F8: variants seen among roughly 807,000 people sequenced by gnomAD.
F8 encodes antihemophilic factor.
A neutral mutation model predicts 140.6 loss-of-function variants in F8; 12 were observed. The observed-to-expected ratio is 0.09, with a 90% confidence interval of 0.05 to 0.14. F8 has a LOEUF of 0.14. F8 is among the 10% of genes least tolerant of loss of function. The pLI is 1.00. For missense variants in F8, 1,354 were observed against 1,720.7 expected (o/e 0.79, Z 3.77); for synonymous variants, 585 against 614.6 (o/e 0.95, Z 0.71).
rs2073196663 is a variant in F8 at position 154,931,325 on chromosome X, A to G, written c.2465T>C (p.Leu822Pro). 1 of 1,210,180 alleles carries G rather than the reference A, an allele frequency of 8.3e-7. No homozygotes were observed. Reference sequence around the variant, plus strand: ...GGCTTCTTGGAGATCAGATAAGGATAGCCCATGTGGAGTAGGACTCTGTCG... The same window carrying G: ...GGCTTCTTGGAGATCAGATAAGGATGGCCCATGTGGAGTAGGACTCTGTCG... ...LLRQSPTPHG[L>P]SLSDLQEAKY... The change falls in exon 14 of 26, where the codon CTA becomes CCA. Residue 822 changes from leucine (L) to proline (P), a missense_variant. Transcript: ENST00000360256.
rs782567842 is a variant in F8, at chrX:155,016,331, A to T, written c.143+6079T>A. ...TATATTGCAACTGGAACTCTCATGC[A>T]TTGCTGGTGGGAGTATAGAATGGTA... On this transcript the variant is annotated intron_variant, in intron 1 of 25. Transcript: ENST00000360256. Among the ~76,000 whole-genome samples the T allele has an allele frequency of 1.1e-3, 127 of 112,061 alleles. 3 individuals carry two copies. In the South Asian group the frequency reaches 0.046, roughly 40 times the overall value.
chrX:154,918,900 A>G (rs1557277332), intron 14 of F8: 1 of 108,819 alleles, frequency 9.2e-6, no homozygotes, highest in Non-Finnish European at 1.8e-5. Flanking sequence ...GTGATATTCC[A>G]TTCATGTTCA....
intron 22 of F8, among the ~76,000 whole-genome samples, chrX:154,895,812 T>C (rs1354068047): frequency 1.8e-5 from 2 of 111,639 alleles, no homozygotes; most frequent in Non-Finnish European, 3.8e-5. Context: ...ACCTAGGATA[T>C]CCATAAGCAA....
chrX:154,849,092 C>G (rs781843011), intron 25 of F8, among the ~76,000 whole-genome samples: 5 of 111,029 alleles, frequency 4.5e-5, no homozygotes, highest in African/African-American at 1.6e-4. Context: ...TCCTGCCTCA[C>G]CCTCCTGAGT....
intron 22 of F8, among the ~76,000 whole-genome samples, chrX:154,868,029 A>C: frequency 8.9e-6 from 1 of 112,425 alleles, no homozygotes; most frequent in Non-Finnish European, 1.9e-5. Context: ...TAGATACAGA[A>C]GGAACTTAAC....
intron 14 of F8, chrX:154,909,136 T>C (rs1331730545): frequency 7.6e-6 from 2 of 261,694 alleles, no homozygotes; most frequent in Non-Finnish European, 1.5e-5. Context: ...AAGAGCTTCA[T>C]TTAAAGCTTC....
chrX:154,922,387 A>T (rs1471566763), intron 14 of F8, among the ~76,000 whole-genome samples: 1 of 112,510 alleles, frequency 8.9e-6, no homozygotes, highest in Non-Finnish European at 1.9e-5. Context: ...TTCATTCAAC[A>T]TACATTTATT....
At chrX:154,919,463 T>C (rs145840121) in intron 14 of F8, 29,714 of 237,068 alleles carry the variant, frequency 0.13, 1,684 homozygotes, top group South Asian at 0.38. Context: ...TTAGAGCAAG[T>C]GAAGTAGCAG....
At chrX:154,859,395 C>A (rs890519447) in intron 25 of F8, among the ~76,000 whole-genome samples, 1 of 107,570 alleles carries the variant, frequency 9.3e-6, no homozygotes, top group Admixed American at 1.0e-4. Context: ...CTCTGCCTCC[C>A]GGGTTCATGC....
chrX:154,909,158 CA>C, intron 14 of F8: 1 of 226,642 alleles, frequency 4.4e-6, no homozygotes. Context: ...TGGTGCAATT[CA>C]AAAGACTTTA....
chrX:154,900,754 A>G (rs2073005623), intron 20 of F8, among the ~76,000 whole-genome samples: 1 of 111,601 alleles, frequency 9.0e-6, no homozygotes, highest in Non-Finnish European at 1.9e-5. Flanking sequence ...CAGATAGTAA[A>G]TCATTTAGGC....
chrX:154,972,901 C>T lies in F8; in HGVS notation c.788-3349G>A, dbSNP rs112441657. On this transcript the variant is annotated intron_variant, in intron 6 of 25. Transcript: ENST00000360256. Reference sequence around the variant, plus strand: ...GCTAATTTTGTATTTTTAGTAAAGACGGGGTTTCACCATGTTGGCCAGGCC... The same window carrying T: ...GCTAATTTTGTATTTTTAGTAAAGATGGGGTTTCACCATGTTGGCCAGGCC... Among the ~76,000 whole-genome samples the T allele has an allele frequency of 5.7e-3, 615 of 108,698 alleles. 7 individuals are homozygous for T. The highest frequency in any genetic ancestry group is 0.02 in the African/African-American group (585 of 29,936). The allele number at this position is 108,698 out of a possible 115,157, so 94.4% of individuals were successfully genotyped here. A position where few individuals can be genotyped will look rare whatever the true frequency, so the allele number is the denominator to read the frequency against.
intron 14 of F8, among the ~76,000 whole-genome samples, chrX:154,910,427 G>T (rs1212083051): frequency 2.1e-5 from 2 of 93,916 alleles, no homozygotes; most frequent in South Asian, 1.5e-3. Context: ...GTCATGGGGT[G>T]GGGGGAGGGA....
At chrX:154,998,658 G>C (rs1377475551) in intron 2 of F8, among the ~76,000 whole-genome samples, 2 of 111,979 alleles carry the variant, frequency 1.8e-5, no homozygotes, top group African/African-American at 6.5e-5. Flanking sequence ...AACCCATACA[G>C]GCTTTTTCTA....
At chrX:154,993,533 C>T (rs1179441377) in intron 3 of F8, among the ~76,000 whole-genome samples, 5 of 111,468 alleles carry the variant, frequency 4.5e-5, no homozygotes, top group East Asian at 2.8e-4. Flanking sequence ...ATTACAGGCG[C>T]GAACCACCAC....
chrX:154,911,800 G>C (rs1454977883), intron 14 of F8, among the ~76,000 whole-genome samples: 4 of 111,774 alleles, frequency 3.6e-5, no homozygotes, highest in Admixed American at 2.8e-4. Flanking sequence ...CATAGTATCT[G>C]TACTAATTCA....
intron 1 of F8, among the ~76,000 whole-genome samples, chrX:155,020,497 T>C (rs1603437774): frequency 8.9e-6 from 1 of 112,313 alleles, no homozygotes; most frequent in East Asian, 2.8e-4. Context: ...TCTGAAGATA[T>C]GAAAGAAAAG....
intron 1 of F8, among the ~76,000 whole-genome samples, chrX:155,005,268 A>G (rs782450478): frequency 2.0e-4 from 22 of 111,713 alleles, no homozygotes; most frequent in Non-Finnish European, 4.0e-4. Context: ...ACATTACACA[A>G]TGGAGACAGA....
chrX:155,010,489 TC>T (rs781823180), intron 1 of F8, among the ~76,000 whole-genome samples: 1 of 111,793 alleles, frequency 8.9e-6, no homozygotes, highest in East Asian at 2.8e-4. Context: ...AGTCAGCTTA[TC>T]CTGTTAATCA....
Sources: allele counts gnomAD v4.1 joint callset (sites outside exome capture counted in the v4.1 genomes callset), GRCh38; gene constraint gnomAD v4.1.1; transcripts MANE v1.5; gene names NCBI Gene and HGNC (gene_info 2026-07-23, HGNC 2026-07-21).